The following STARD13 variants were observed in gnomAD, a reference collection of about 807,000 sequenced individuals.
STARD13 encodes the protein stAR-related lipid transfer protein 13.
A neutral mutation model predicts 106.4 loss-of-function variants in STARD13; 62 were observed. The ratio of observed to expected loss-of-function variants is 0.58; its 90% CI spans 0.48 to 0.72. The LOEUF (loss-of-function observed/expected upper bound fraction) is 0.72, where lower values mean the gene tolerates loss of function less well. Among genes scored for constraint, STARD13 ranks in the 30% least tolerant of loss-of-function variants. The probability of loss-of-function intolerance (pLI) is 0.00; values close to 1 mark genes in which losing one functional copy is unlikely to be tolerated. For missense variants in STARD13, 1,387 were observed against 1,424.0 expected (o/e 0.97, Z 0.42); for synonymous variants, 565 against 553.0 (o/e 1.02, Z -0.31).
chr13:33,248,513 G>A (rs1157676237), intron 1 of STARD13, among the ~76,000 whole-genome samples: 2 of 152,214 alleles, frequency 1.3e-5, no homozygotes, highest in Admixed American at 1.3e-4. Flanking sequence ...ACCAGTTGGG[G>A]TCCAGACTTG....
At chr13:33,526,630 A>G in the STARD13 span, among the ~76,000 whole-genome samples, 1 of 152,118 alleles carries the variant, frequency 6.6e-6, no homozygotes, top group Admixed American at 6.6e-5. Flanking sequence ...TTAACAAGCT[A>G]CAGACTACAG....
chr13:33,614,296 T>TGTGTGTGTG, the STARD13 span, among the ~76,000 whole-genome samples: 1 of 151,800 alleles, frequency 6.6e-6, no homozygotes, highest in Admixed American at 6.6e-5. Context: ...TGTGTGTGTG[T>TGTGTGTGTG]TTCTTGGAAA....
intron 4 of STARD13, among the ~76,000 whole-genome samples, chr13:33,141,712 A>G (rs1207509300): frequency 6.6e-6 from 1 of 152,132 alleles, no homozygotes; most frequent in Non-Finnish European, 1.5e-5. Flanking sequence ...ACACTACTGG[A>G]AAAAATGAGC....
intron 1 of STARD13, among the ~76,000 whole-genome samples, chr13:33,170,649 T>G (rs748825241): frequency 2.0e-5 from 3 of 152,192 alleles, no homozygotes; most frequent in Non-Finnish European, 4.4e-5. Context: ...GAAGCAGCCC[T>G]GTCCTAGCCA....
In STARD13 at chr13:33,103,315, CTGTGGTATT is replaced by C. The variant is rs1365285636; in HGVS notation, c.*2269_*2277del. ...TGGCAAGATAACAATGAATAAAATA[CTGTGGTATT>C]TGACAAACAAGCTTGATGCATCGTT... On this transcript the variant is annotated 3_prime_UTR_variant, in exon 14 of 14. Transcript: ENST00000336934. 6.6e-6 allele frequency: 1 copy of C among 152,502 alleles called. No individual in the cohort carries two copies. The allele number at this position is 152,502 out of a possible 1,614,324, so 9.4% of individuals were successfully genotyped here. A position where few individuals can be genotyped will look rare whatever the true frequency, so the allele number is the denominator to read the frequency against.
At chr13:33,527,601 G>A in the STARD13 span, among the ~76,000 whole-genome samples, 1 of 151,842 alleles carries the variant, frequency 6.6e-6, no homozygotes, top group African/African-American at 2.4e-5. Context: ...ATCAGGTGGT[G>A]GACTGTCCAA....
intron 1 of STARD13, among the ~76,000 whole-genome samples, chr13:33,327,103 C>T (rs2077784494): frequency 6.6e-6 from 1 of 152,132 alleles, no homozygotes; most frequent in Non-Finnish European, 1.5e-5. Context: ...AAATGGTGCA[C>T]CTAAGAAATA....
At chr13:33,155,382 A>G (rs1881827636) in intron 3 of STARD13, 2 of 152,252 alleles carry the variant, frequency 1.3e-5, no homozygotes, top group South Asian at 4.1e-4. Context: ...ACACAACTTC[A>G]TGCATAATGA....
At chr13:33,128,895 A>T in intron 5 of STARD13, 34 bp downstream of exon 5, 2 of 1,558,438 alleles carry the variant, frequency 1.3e-6, no homozygotes, top group Non-Finnish European at 8.7e-7. Flanking sequence ...TATGAAATGG[A>T]TGAAAAATCA....
the STARD13 span, among the ~76,000 whole-genome samples, chr13:33,551,219 C>T: frequency 2.6e-5 from 4 of 152,124 alleles, no homozygotes; most frequent in Non-Finnish European, 4.4e-5. Flanking sequence ...GCCTGCATGA[C>T]GAAGTCTGGG....
intron 1 of STARD13, among the ~76,000 whole-genome samples, chr13:33,272,032 T>A (rs1891191497): frequency 1.3e-5 from 2 of 152,196 alleles, no homozygotes; most frequent in South Asian, 2.1e-4. Flanking sequence ...ATCTGTTAGG[T>A]CTTACTATGT....
At chr13:33,288,615 A>G (rs1185655941), upstream of STARD13, among the ~76,000 whole-genome samples, 2 of 151,376 alleles carry the variant, frequency 1.3e-5, no homozygotes, top group African/African-American at 4.9e-5. Context: ...TTTATTCCCT[A>G]ATTAAAAAAA....
At chr13:33,388,944 A>AG in the STARD13 span, among the ~76,000 whole-genome samples, 1 of 145,538 alleles carries the variant, frequency 6.9e-6, no homozygotes, top group Non-Finnish European at 1.5e-5. Flanking sequence ...CCTTGAGGTT[A>AG]GGGGTCCTTC....
intron 4 of STARD13, among the ~76,000 whole-genome samples, chr13:33,133,937 T>A (rs1276382580): frequency 4.6e-5 from 7 of 151,828 alleles, no homozygotes; most frequent in African/African-American, 1.7e-4. Flanking sequence ...ATTATCAGAT[T>A]TCATCTGTTT....
chr13:33,180,845 C>A (rs566239031), intron 1 of STARD13, among the ~76,000 whole-genome samples: 1 of 152,098 alleles, frequency 6.6e-6, no homozygotes, highest in East Asian at 1.9e-4. Context: ...ATACCTAGTG[C>A]CAAATGGAAA....
intron 1 of STARD13, among the ~76,000 whole-genome samples, chr13:33,232,124 C>T (rs1053450119): frequency 6.6e-6 from 1 of 152,066 alleles, no homozygotes; most frequent in East Asian, 1.9e-4. Flanking sequence ...GCCAGCCTGG[C>T]CAACATGGTG....
the STARD13 span, among the ~76,000 whole-genome samples, chr13:33,400,905 A>G: frequency 6.6e-6 from 1 of 152,256 alleles, no homozygotes; most frequent in Admixed American, 6.5e-5. Flanking sequence ...TCTACAAGCT[A>G]AAAACAAAGA....
the STARD13 span, among the ~76,000 whole-genome samples, chr13:33,622,614 C>CAAAAA: frequency 0.12 from 3,361 of 28,194 alleles, 765 homozygotes; most frequent in Middle Eastern, 0.25. Context: ...GACTCCGTCT[C>CAAAAA]AAAAAAAAAA....
chr13:33,138,716 G>T, intron 4 of STARD13: 1 of 348,114 alleles, frequency 2.9e-6, no homozygotes, highest in East Asian at 9.4e-5. Context: ...GGCGGCAGAA[G>T]TGCTGGTGTC....
Sources: allele counts gnomAD v4.1 joint callset (sites outside exome capture counted in the v4.1 genomes callset), GRCh38; gene constraint gnomAD v4.1.1; transcripts MANE v1.5; gene names NCBI Gene and HGNC (gene_info 2026-07-23, HGNC 2026-07-21).